Variants in DDAH1 observed in about 807,000 individuals in gnomAD.
DDAH1 encodes dimethylarginine dimethylaminohydrolase 1.
In DDAH1, 19 loss-of-function variants were observed where a neutral mutation model predicts 28.8. That is an observed-to-expected ratio of 0.66 (90% CI 0.46 to 0.97). DDAH1 has a LOEUF of 0.97. Ranked by LOEUF, DDAH1 falls within the 50% of genes least tolerant of loss-of-function variation. The probability of loss-of-function intolerance (pLI) is 0.00; values close to 1 mark genes in which losing one functional copy is unlikely to be tolerated. For synonymous variants in DDAH1, 153 were observed against 154.4 expected (o/e 0.99, Z 0.07); for missense variants, 326 against 375.9 (o/e 0.87, Z 1.10).
chr1:85,553,618 G>T lies in DDAH1; in HGVS notation c.-123+24366C>A, dbSNP rs551814807. The stretch of plus-strand genomic sequence containing the variant: ...AGACACAGGCCTGCAGATGCTCACT[G>T]CACTTGGCAGAAGCACAAATTGGAG... On this transcript the variant is annotated intron_variant, in intron 1 of 6. Transcript: ENST00000426972. Among the ~76,000 whole-genome samples the T allele has an allele frequency of 9.2e-5, 14 of 152,324 alleles. No individual in the cohort carries two copies. The South Asian group carries it at 2.9e-3, about 32-fold the overall frequency.
intron 5 of DDAH1, 113 bp from the exon 6 acceptor site, chr1:85,321,681 G>A: frequency 1.2e-6 from 1 of 835,082 alleles, no homozygotes; most frequent in East Asian, 2.5e-5. Flanking sequence ...TTAATCCCAA[G>A]ACACACAGGC....
chr1:85,571,089 A>G (rs971265747), intron 1 of DDAH1, among the ~76,000 whole-genome samples: 1 of 152,170 alleles, frequency 6.6e-6, no homozygotes, highest in African/African-American at 2.4e-5. Flanking sequence ...GAAAGATGTC[A>G]AAAAGCTCAT....
At chr1:85,405,733 A>G (rs573119354) in intron 1 of DDAH1, among the ~76,000 whole-genome samples, 98 of 152,332 alleles carry the variant, frequency 6.4e-4, no homozygotes, top group African/African-American at 2.2e-3. Context: ...TGAAAAAGAG[A>G]GAGCCTCAGA....
chr1:85,542,814 CA>C (rs1289210877), intron 1 of DDAH1, among the ~76,000 whole-genome samples: 1 of 152,112 alleles, frequency 6.6e-6, no homozygotes, highest in Non-Finnish European at 1.5e-5. Flanking sequence ...GTTTTTAAAC[CA>C]CATCAAGGAA....
intron 1 of DDAH1, among the ~76,000 whole-genome samples, chr1:85,509,036 C>T (rs1011363353): frequency 2.6e-5 from 4 of 152,210 alleles, no homozygotes; most frequent in Non-Finnish European, 5.9e-5. Flanking sequence ...CCCTGACCCC[C>T]GTGTAGCCTA....
chr1:85,411,767 ACTG>A (rs542028342), intron 1 of DDAH1, among the ~76,000 whole-genome samples: 14 of 152,176 alleles, frequency 9.2e-5, no homozygotes, highest in Non-Finnish European at 2.1e-4. Context: ...CCCCATGGGG[ACTG>A]CTGCTGCTGC....
At chr1:85,442,182 C>T (rs963340573) in intron 1 of DDAH1, among the ~76,000 whole-genome samples, 11 of 152,122 alleles carry the variant, frequency 7.2e-5, no homozygotes, top group East Asian at 3.9e-4. Context: ...TCCCTCCTCC[C>T]GCCACCCCAC....
chr1:85,562,812 T>C (rs1394657057), intron 1 of DDAH1, among the ~76,000 whole-genome samples: 1 of 152,190 alleles, frequency 6.6e-6, no homozygotes. Flanking sequence ...TAAATTTCTG[T>C]TGTTTTAAGC....
At chr1:85,469,347 C>T (rs987383084), upstream of DDAH1, among the ~76,000 whole-genome samples, 2 of 152,152 alleles carry the variant, frequency 1.3e-5, no homozygotes, top group African/African-American at 2.4e-5. Flanking sequence ...CTTCTAGAGC[C>T]AGACTGTGTA....
intron 1 of DDAH1, among the ~76,000 whole-genome samples, chr1:85,577,663 C>G (rs564367803): frequency 6.6e-6 from 1 of 151,894 alleles, no homozygotes; most frequent in Non-Finnish European, 1.5e-5. Context: ...CTCGGATGCA[C>G]GCTAGTCTGA....
intron 4 of DDAH1, among the ~76,000 whole-genome samples, chr1:85,342,867 T>G (rs542830057): frequency 3.4e-4 from 52 of 152,314 alleles, no homozygotes; most frequent in Non-Finnish European, 5.7e-4. Context: ...CTGGGTTCCA[T>G]TCCAGACCCA....
At chr1:85,574,432 A>G (rs1415328763) in intron 1 of DDAH1, among the ~76,000 whole-genome samples, 7 of 152,172 alleles carry the variant, frequency 4.6e-5, no homozygotes, top group Non-Finnish European at 7.4e-5. Context: ...AAGGAATCCT[A>G]TGGTCCAGTG....
At chr1:85,497,525 T>C (rs1217207417) in intron 1 of DDAH1, among the ~76,000 whole-genome samples, 3 of 152,238 alleles carry the variant, frequency 2.0e-5, no homozygotes, top group African/African-American at 7.2e-5. Flanking sequence ...ATGGTTTCCA[T>C]TATCATTACA....
At chr1:85,371,544 T>C (rs909692261) in intron 1 of DDAH1, among the ~76,000 whole-genome samples, 3 of 152,184 alleles carry the variant, frequency 2.0e-5, no homozygotes, top group Admixed American at 2.0e-4. Flanking sequence ...TAAGATTTTA[T>C]TATTTCAGAA....
chr1:85,574,772 G>A (rs554861251), intron 1 of DDAH1, among the ~76,000 whole-genome samples: 22 of 152,278 alleles, frequency 1.4e-4, no homozygotes, highest in African/African-American at 4.8e-4. Context: ...TAGTCCAGGC[G>A]CTATGGCTCA....
intron 1 of DDAH1, among the ~76,000 whole-genome samples, chr1:85,501,187 T>A (rs1325673759): frequency 6.6e-6 from 1 of 152,200 alleles, no homozygotes; most frequent in Non-Finnish European, 1.5e-5. Flanking sequence ...TGTTAAGTTT[T>A]GTTACGTTAA....
intron 1 of DDAH1, among the ~76,000 whole-genome samples, chr1:85,361,573 A>C (rs996598353): frequency 1.3e-5 from 2 of 152,228 alleles, no homozygotes; most frequent in Non-Finnish European, 2.9e-5. Context: ...ACTTAATTTA[A>C]GCCTTAGAGT....
At chr1:85,571,613 G>T (rs563562859) in intron 1 of DDAH1, among the ~76,000 whole-genome samples, 1 of 152,276 alleles carries the variant, frequency 6.6e-6, no homozygotes, top group South Asian at 2.1e-4. Flanking sequence ...CATGCAGCAT[G>T]CCATACATGT....
intron 1 of DDAH1, among the ~76,000 whole-genome samples, chr1:85,573,463 G>C (rs1274148079): frequency 6.6e-6 from 1 of 152,200 alleles, no homozygotes; most frequent in Admixed American, 6.5e-5. Context: ...ATGGATTGCA[G>C]GGTGTGGTGG....
Sources: allele counts gnomAD v4.1 joint callset (sites outside exome capture counted in the v4.1 genomes callset), GRCh38; gene constraint gnomAD v4.1.1; transcripts MANE v1.5; gene names NCBI Gene and HGNC (gene_info 2026-07-23, HGNC 2026-07-21).